TEX15: variants seen among roughly 807,000 people sequenced by gnomAD.
The protein encoded by TEX15 is testis-expressed protein 15.
Under a neutral mutation model 237.3 loss-of-function variants are expected in TEX15, and 171 were observed. The ratio of observed to expected loss-of-function variants is 0.72; its 90% confidence interval spans 0.64 to 0.82. TEX15 has a LOEUF of 0.82. TEX15 is among the 40% of genes least tolerant of loss of function. The pLI is 0.00. For synonymous variants in TEX15, 1,338 were observed against 1,269.8 expected (o/e 1.05, Z -1.14); for missense variants, 3,750 against 3,646.5 (o/e 1.03, Z -0.73).
intron 10 of TEX15, among the ~76,000 whole-genome samples, chr8:30,834,302 A>T (rs1480353856): frequency 6.6e-6 from 1 of 151,998 alleles, no homozygotes; most frequent in African/African-American, 2.4e-5. Context: ...CCTCCCATGT[A>T]GCTGGGATTA....
At chr8:30,877,946 A>G (rs1214702278) in intron 3 of TEX15, among the ~76,000 whole-genome samples, 1 of 151,634 alleles carries the variant, frequency 6.6e-6, no homozygotes, top group Non-Finnish European at 1.5e-5. Flanking sequence ...TCCTTTATAT[A>G]TTTTTTCATA....
chr8:30,847,043 A>G lies in TEX15; in HGVS notation c.3124T>C (p.Phe1042Leu), dbSNP rs532029941. 6.2e-7 allele frequency: 1 copy of G among 1,612,916 alleles called. No individual in the cohort carries two copies. Among genetic ancestry groups the G allele is most frequent in the African/African-American group, 1.3e-5 (1 of 74,992 alleles). The stretch of plus-strand genomic sequence containing the variant: ...AAGTTCTCATTTATTGATTGATGAA[A>G]TGATTCTTGTGATTTATTTTTATCC... ...DTDKNKSQES[F>L]HQSINENLVL... is the part of the protein sequence containing the mutation. Residue 1042 changes from phenylalanine to leucine, a missense_variant, in exon 8 of 11, where the codon TTT becomes CTT. Phe to Leu is a conservative substitution (Grantham distance 22). Transcript: ENST00000643185.
At chr8:30,909,394 A>ACCCCCCCCC (rs35046956) in intron 1 of TEX15, among the ~76,000 whole-genome samples, 295 of 118,392 alleles carry the variant, frequency 2.5e-3, no homozygotes, top group African/African-American at 6.7e-3. Flanking sequence ...TTAAAGACAG[A>ACCCCCCCCC]CCCCCCCCCG....
chr8:30,850,942 A>C (rs2128768821), intron 7 of TEX15, among the ~76,000 whole-genome samples: 1 of 152,316 alleles, frequency 6.6e-6, no homozygotes, highest in African/African-American at 2.4e-5. Context: ...AGATCCATTA[A>C]AAAAAACTTT....
At chr8:30,903,391 C>T (rs1039472315) in intron 1 of TEX15, among the ~76,000 whole-genome samples, 7 of 152,170 alleles carry the variant, frequency 4.6e-5, no homozygotes, top group African/African-American at 1.7e-4. Context: ...GTTAGGACTC[C>T]CTTGGTTTCT....
intron 1 of TEX15, among the ~76,000 whole-genome samples, chr8:30,905,364 C>T (rs1809080513): frequency 6.6e-6 from 1 of 151,528 alleles, no homozygotes; most frequent in Non-Finnish European, 1.5e-5. Flanking sequence ...AGAGAATGAA[C>T]TCTTGGGATG....
rs62000453 is a variant in TEX15 at position 30,847,733 on chromosome 8, T to G, written c.2434A>C (p.Asn812His). The G allele has an allele frequency of 1.2e-6, 2 of 1,613,810 alleles. No individual in the cohort carries two copies. Among genetic ancestry groups the G allele is most frequent in the Non-Finnish European group, 1.7e-6 (2 of 1,179,914 alleles). Reference sequence around the variant, plus strand: ...ATGTTCTCTAATGACACTGGTTCATTTTCATTTTTCCTATGGACACATATA... The same window carrying G: ...ATGTTCTCTAATGACACTGGTTCATGTTCATTTTTCCTATGGACACATATA... ...EHICVHRKNE[N>H]EPVSLENIQR... Residue 812 changes from asparagine (N) to histidine (H), a missense_variant, in exon 8 of 11, where the codon AAT becomes CAT. Coordinates refer to ENST00000643185, the MANE Select transcript of TEX15 (RefSeq NM_001350162.2).
rs1563258248 is a variant in TEX15 at position 30,867,506 on chromosome 8, A to C, written c.303-4T>G. 3 of 1,502,612 alleles carry C rather than the reference A, an allele frequency of 2.0e-6. No homozygotes were observed. The allele number at this position is 1,502,612 out of a possible 1,614,324, so 93.1% of individuals were successfully genotyped here. On this transcript the variant is annotated splice_region_variant and splice_polypyrimidine_tract_variant and intron_variant, in intron 4 of 10. Coordinates refer to ENST00000643185, the MANE Select transcript of TEX15 (RefSeq NM_001350162.2). Reference sequence around the variant, plus strand: ...TCCACTTTCACGCATCTCTGACCTAAAGTAAAACAAACAATGTATACAGTT... The same window carrying C: ...TCCACTTTCACGCATCTCTGACCTACAGTAAAACAAACAATGTATACAGTT...
chr8:30,850,940 TA>T (rs1295824652), intron 7 of TEX15, among the ~76,000 whole-genome samples: 2 of 152,000 alleles, frequency 1.3e-5, no homozygotes, highest in African/African-American at 4.8e-5. Context: ...TAAGATCCAT[TA>T]AAAAAAACTT....
chr8:30,907,697 AATAC>A (rs906693070), intron 1 of TEX15, among the ~76,000 whole-genome samples: 5 of 143,752 alleles, frequency 3.5e-5, no homozygotes, highest in African/African-American at 1.3e-4. Flanking sequence ...TTATATATAA[AATAC>A]ATATAAATTA....
chr8:30,874,446 G>A (rs918096024), intron 4 of TEX15, among the ~76,000 whole-genome samples: 6 of 152,086 alleles, frequency 3.9e-5, no homozygotes, highest in Non-Finnish European at 8.8e-5. Context: ...AAAAAACCTG[G>A]AGAAGTACTT....
chr8:30,872,281 T>A (rs1367814621), intron 4 of TEX15, among the ~76,000 whole-genome samples: 1 of 152,112 alleles, frequency 6.6e-6, no homozygotes, highest in Non-Finnish European at 1.5e-5. Flanking sequence ...CCCGTAAGAT[T>A]ATAATGGAGC....
rs374832043 is a variant in TEX15, at chr8:30,847,341, T to C, written c.2826A>G (p.Glu942=). The C allele has an allele frequency of 6.8e-6, 11 of 1,613,774 alleles. No homozygotes were observed. The highest frequency in any genetic ancestry group is 9.3e-6 in the Non-Finnish European group (11 of 1,179,918). The part of the protein sequence containing the change: ...VSAATALLES[E]EDTISAVKQK... ...GTTTCACGGCACTAATGGTATCTTC[T>C]TCACTCTCTAATAATGCAGTTGCTG... Residue 942 remains glutamate, a synonymous_variant, in exon 8 of 11, where the codon GAA becomes GAG. Transcript: ENST00000643185.
At chr8:30,859,753 T>C (rs1808001077) in intron 6 of TEX15, among the ~76,000 whole-genome samples, 158 bp downstream of exon 6, 1 of 152,208 alleles carries the variant, frequency 6.6e-6, no homozygotes, top group Admixed American at 6.5e-5. Context: ...TTCACTAATA[T>C]TCCATACAAC....
intron 3 of TEX15, among the ~76,000 whole-genome samples, chr8:30,881,793 T>C (rs937038027): frequency 1.3e-5 from 2 of 151,998 alleles, no homozygotes; most frequent in African/African-American, 4.8e-5. Context: ...GGCTAATTTT[T>C]TGTATTTCAG....
chr8:30,848,076 G>GTAGAT lies in TEX15; in HGVS notation c.2090_2091insATCTA (p.Ile698SerfsTer3). 6.2e-7 allele frequency: 1 copy of GTAGAT among 1,612,336 alleles called. No homozygotes were observed. The highest frequency in any genetic ancestry group is 8.5e-7 in the Non-Finnish European group (1 of 1,179,358). On this transcript the variant is annotated frameshift_variant, in exon 8 of 11. Transcript: ENST00000643185. LOFTEE classifies it high-confidence loss of function. ...GATCTAGTTCATCCTTATCCTTTAT[G>GTAGAT]GTAGATGTAGAAGATTTTGTTATTT...
At position 30,833,137 on chromosome 8, in the gene TEX15, A is replaced by T; in HGVS notation, c.*149T>A. ...TGATGTCCTATATGATATGTGTTAG[A>T]TTATTTGTATATTTTACAAAGGACC... is the stretch of plus-strand genomic sequence containing the variant. On this transcript the variant is annotated 3_prime_UTR_variant, in exon 11 of 11. Coordinates refer to ENST00000643185, the MANE Select transcript of TEX15 (RefSeq NM_001350162.2). The T allele has an allele frequency of 1.7e-6, 1 of 587,844 alleles. No homozygotes were observed. The highest frequency in any genetic ancestry group is 2.9e-5 in the East Asian group (1 of 33,926). The allele number at this position is 587,844 out of a possible 1,614,324, so 36.4% of individuals were successfully genotyped here.
At chr8:30,880,657 T>C (rs1353596405) in intron 3 of TEX15, among the ~76,000 whole-genome samples, 1 of 152,240 alleles carries the variant, frequency 6.6e-6, no homozygotes, top group Non-Finnish European at 1.5e-5. Flanking sequence ...TAGTAGCATA[T>C]AATACGTACA....
rs1370894991 is a variant in TEX15, at chr8:30,836,317, G to A, written c.9481+486C>T. ...CAACCTCTGCCTCCTGAGTTCAAGCGATTCTCTTTCCTCAGCCTCCTGGGT... is the reference window on the plus strand; with the variant it reads ...CAACCTCTGCCTCCTGAGTTCAAGCAATTCTCTTTCCTCAGCCTCCTGGGT... On this transcript the variant is annotated intron_variant, in intron 10 of 10. Coordinates refer to ENST00000643185, the MANE Select transcript of TEX15 (RefSeq NM_001350162.2). Among the ~76,000 whole-genome samples, 4 of 140,818 alleles carry A rather than the reference G, an allele frequency of 2.8e-5. No individual in the cohort carries two copies. The East Asian group carries it at 6.8e-4, about 24-fold the overall frequency. The allele number at this position is 140,818 out of a possible 152,430, so 92.4% of individuals were successfully genotyped here.
Sources: allele counts gnomAD v4.1 joint callset (sites outside exome capture counted in the v4.1 genomes callset), GRCh38; gene constraint gnomAD v4.1.1; transcripts MANE v1.5; gene names NCBI Gene and HGNC (gene_info 2026-07-23, HGNC 2026-07-21).